RAMP1: variants seen among roughly 807,000 people sequenced by gnomAD.
RAMP1 encodes the protein receptor activity modifying protein 1, also known as receptor activity-modifying protein 1.
A neutral mutation model predicts 8.2 loss-of-function variants in RAMP1; 7 were observed. The observed-to-expected ratio is 0.85, with a 90% CI of 0.49 to 1.60. RAMP1 has a LOEUF of 1.60. Ranked by LOEUF, RAMP1 falls within the 40% of genes most tolerant of loss-of-function variation. RAMP1 has a pLI of 0.00. For missense variants in RAMP1, 192 were observed against 202.4 expected, an observed-to-expected ratio of 0.95 and a Z score of 0.31; for synonymous variants, 92 against 84.7, an observed-to-expected ratio of 1.09 and a Z score of -0.47.
chr2:237,865,531 G>C lies in RAMP1; in HGVS notation c.52+5804G>C, dbSNP rs1392797514. Among the ~76,000 whole-genome samples the C allele has an allele frequency of 5.3e-5, 8 of 152,260 alleles. No individual in the cohort carries two copies. In the East Asian group the frequency reaches 1.5e-3, roughly 29 times the overall value. On this transcript the variant is annotated intron_variant, in intron 1 of 2. Transcript: ENST00000254661. The surrounding 1 kb of genome is among the most constrained non-coding windows in gnomAD (Gnocchi z 4.2). ...TTCTCTGAGATGCAGATTTCGCAGG[G>C]CCTCCTGTCATTTGCTGCACCTGGC... is the stretch of plus-strand genomic sequence containing the variant.
At chr2:237,901,988 G>T (rs2062602883) in intron 2 of RAMP1, among the ~76,000 whole-genome samples, 1 of 152,126 alleles carries the variant, frequency 6.6e-6, no homozygotes, top group African/African-American at 2.4e-5. Context: ...TGAGGGAAAG[G>T]GGAGCCATGA....
intron 1 of RAMP1, among the ~76,000 whole-genome samples, chr2:237,861,033 T>A (rs996451150): frequency 2.0e-5 from 3 of 152,208 alleles, no homozygotes; most frequent in African/African-American, 7.2e-5. Context: ...CCTTCACTGT[T>A]TTCATTTACT....
At chr2:237,888,359 G>A (rs986040173) in intron 2 of RAMP1, among the ~76,000 whole-genome samples, 1 of 152,022 alleles carries the variant, frequency 6.6e-6, no homozygotes, top group African/African-American at 2.4e-5. Flanking sequence ...CCCATTCTGT[G>A]GTTCTTGATA....
chr2:237,900,480 A>T (rs1349529341), intron 2 of RAMP1, among the ~76,000 whole-genome samples: 1 of 152,172 alleles, frequency 6.6e-6, no homozygotes, highest in African/African-American at 2.4e-5. Flanking sequence ...TCTAATAATT[A>T]TTGATGGACA....
At position 237,912,023 on chromosome 2, in the gene RAMP1, C is replaced by T. The variant is rs117497265; in HGVS notation, c.*240C>T. The T allele has an allele frequency of 4.8e-6, 3 of 623,710 alleles. No individual in the cohort carries two copies. The highest frequency in any genetic ancestry group is 6.0e-5 in the Admixed American group (2 of 33,332). 38.6% of individuals were successfully genotyped at this position (623,710 alleles called of 1,614,324 possible). On this transcript the variant is annotated 3_prime_UTR_variant, in exon 3 of 3. Transcript: ENST00000254661. ...GCAGGGACGTGACCTTGACTTACCT[C>T]TGGAAAGGGTCCCAGCCTAGACTGC...
At chr2:237,893,299 T>G (rs1003657805) in intron 2 of RAMP1, among the ~76,000 whole-genome samples, 18 of 152,366 alleles carry the variant, frequency 1.2e-4, no homozygotes, top group African/African-American at 3.8e-4. Context: ...CTGGCGTGGT[T>G]GCTTGCAGTA....
rs1475968017 is a variant in RAMP1 at position 237,865,054 on chromosome 2, G to A, written c.52+5327G>A. ...TAAAGGGGGTGACAGGACAGAAGGTGTGGTTTAAAGGAGCCCTCAGCTGTG... is the reference window on the plus strand; with the variant it reads ...TAAAGGGGGTGACAGGACAGAAGGTATGGTTTAAAGGAGCCCTCAGCTGTG... On this transcript the variant is annotated intron_variant, in intron 1 of 2. Coordinates refer to ENST00000254661, the MANE Select transcript of RAMP1 (RefSeq NM_005855.4). This position sits in a 1 kb window ranked among gnomAD's most constrained non-coding sequence, Gnocchi z 4.2. 1.3e-5 allele frequency among the ~76,000 whole-genome samples: 2 copies of A among 152,116 alleles called. No homozygotes were observed. Among genetic ancestry groups the A allele is most frequent in the Non-Finnish European group, 2.9e-5 (2 of 68,002 alleles).
chr2:237,894,243 T>C (rs146292318), intron 2 of RAMP1, among the ~76,000 whole-genome samples: 42 of 152,172 alleles, frequency 2.8e-4, no homozygotes, highest in Non-Finnish European at 5.4e-4. Flanking sequence ...AGTCTTGGGA[T>C]TACAGGCGTG....
At chr2:237,908,395 A>G (rs1477919567) in intron 2 of RAMP1, among the ~76,000 whole-genome samples, 3 of 85,140 alleles carry the variant, frequency 3.5e-5, no homozygotes, top group African/African-American at 1.1e-4. Context: ...TCCCTTCCCC[A>G]GTGAGAAGAG....
At chr2:237,902,640 C>T (rs986935340) in intron 2 of RAMP1, among the ~76,000 whole-genome samples, 20 of 152,058 alleles carry the variant, frequency 1.3e-4, no homozygotes, top group Admixed American at 2.6e-4. Context: ...GCCCCGTCCC[C>T]GCTCCCTGTC....
chr2:237,867,708 C>T (rs1341720498), intron 1 of RAMP1, among the ~76,000 whole-genome samples: 1 of 152,200 alleles, frequency 6.6e-6, no homozygotes, highest in African/African-American at 2.4e-5. Flanking sequence ...AGCGTTTCCT[C>T]ATTCCTGTGC....
intron 2 of RAMP1, among the ~76,000 whole-genome samples, chr2:237,898,828 G>GGCCAC (rs1553739120): frequency 1.3e-5 from 2 of 152,208 alleles, no homozygotes; most frequent in African/African-American, 4.8e-5. Flanking sequence ...CGCCAGGCCA[G>GGCCAC]GCCACAGCGT....
intron 2 of RAMP1, among the ~76,000 whole-genome samples, chr2:237,904,830 C>G (rs1473742972): frequency 6.6e-6 from 1 of 152,158 alleles, no homozygotes; most frequent in African/African-American, 2.4e-5. Context: ...CAGGATCACT[C>G]TGGGTAAGAG....
At chr2:237,875,732 C>T (rs772809982) in intron 1 of RAMP1, among the ~76,000 whole-genome samples, 26 of 152,202 alleles carry the variant, frequency 1.7e-4, no homozygotes, top group Non-Finnish European at 3.1e-4. Flanking sequence ...TCAGCTCTCT[C>T]TAGCAGCTGT....
chr2:237,898,435 G>C (rs12996794), intron 2 of RAMP1, among the ~76,000 whole-genome samples: 40 of 152,072 alleles, frequency 2.6e-4, no homozygotes, highest in Admixed American at 7.9e-4. Context: ...TACAATATCC[G>C]TCTTTCCCTC....
intron 2 of RAMP1, among the ~76,000 whole-genome samples, chr2:237,903,211 T>C (rs574425014): frequency 6.6e-6 from 1 of 152,340 alleles, no homozygotes; most frequent in African/African-American, 2.4e-5. Flanking sequence ...TTCCTAAATA[T>C]AATTTTAACA....
At chr2:237,897,020 A>G (rs2062549186) in intron 2 of RAMP1, among the ~76,000 whole-genome samples, 1 of 152,190 alleles carries the variant, frequency 6.6e-6, no homozygotes, top group African/African-American at 2.4e-5. Flanking sequence ...GTCCGTGGGG[A>G]TGGTGGGGTC....
At position 237,874,593 on chromosome 2, in the gene RAMP1, G is replaced by A. The variant is rs757069736; in HGVS notation, c.53-2631G>A. ...CCTAGAAGCGGCTCTTCCAAAGCAG[G>A]AGGGGAGTCTGCAGTGGTTCATGAC... is the stretch of plus-strand genomic sequence containing the variant. On this transcript the variant is annotated intron_variant, in intron 1 of 2. Transcript: ENST00000254661. The A allele has an allele frequency of 6.9e-4, 596 of 868,950 alleles. 1 individual carries two copies. The highest frequency in any genetic ancestry group is 8.0e-4 in the Non-Finnish European group (580 of 723,934). The allele number at this position is 868,950 out of a possible 1,614,324, so 53.8% of individuals were successfully genotyped here.
intron 1 of RAMP1, among the ~76,000 whole-genome samples, chr2:237,873,355 T>TTGTCTCC (rs2062265094): frequency 6.6e-6 from 1 of 152,238 alleles, no homozygotes; most frequent in African/African-American, 2.4e-5. Flanking sequence ...TCTGTGCCTC[T>TTGTCTCC]TGTCTCCTTA....
Sources: allele counts gnomAD v4.1 joint callset (sites outside exome capture counted in the v4.1 genomes callset), GRCh38; gene constraint gnomAD v4.1.1; non-coding constraint Gnocchi (gnomAD v3.1); transcripts MANE v1.5; gene names NCBI Gene and HGNC (gene_info 2026-07-23, HGNC 2026-07-21).